The following STRN4 variants were observed in gnomAD, a reference collection of about 807,000 sequenced individuals.
STRN4 encodes the protein striatin 4.
A neutral mutation model predicts 77.9 loss-of-function variants in STRN4; 27 were observed. The observed-to-expected ratio is 0.35, with a 90% CI of 0.26 to 0.48. The LOEUF (loss-of-function observed/expected upper bound fraction) is 0.48. STRN4 is among the 20% of genes least tolerant of loss of function. The pLI is 0.99. For synonymous variants in STRN4, 466 were observed against 443.1 expected, an observed-to-expected ratio of 1.05 and a Z score of -0.65; for missense variants, 798 against 1,049.7, an observed-to-expected ratio of 0.76 and a Z score of 3.31.
rs771874482 is a variant in STRN4, at chr19:46,724,928, C to T, written c.1473G>A (p.Arg491=). 1.9e-6 allele frequency: 3 copies of T among 1,613,940 alleles called. No individual in the cohort carries two copies. The highest frequency in any genetic ancestry group is 2.5e-6 in the Non-Finnish European group (3 of 1,180,024). Residue 491 remains arginine (R), a splice_region_variant and synonymous_variant, in exon 12 of 18, where the codon AGG becomes AGA. Transcript: ENST00000263280. ...VEPIHAFRAH[R]GPVLAVAMGS... is the part of the protein sequence containing the mutation. ...CCATAGCCACAGCCAACACTGGGCC[C>T]CTGGAAGGGACAAATATGTGGAAAG... is the stretch of plus-strand genomic sequence containing the variant.
chr19:46,720,701 G>A lies in STRN4; in HGVS notation c.2163C>T (p.Arg721=). 1 of 1,611,054 alleles carries A rather than the reference G, an allele frequency of 6.2e-7. No individual in the cohort carries two copies. Among genetic ancestry groups the A allele is most frequent in the Middle Eastern group, 1.7e-4 (1 of 6,050 alleles). The change falls in exon 17 of 18, where the codon CGC becomes CGT. Residue 721 remains arginine, a synonymous_variant. Coordinates refer to ENST00000263280, the MANE Select transcript of STRN4 (RefSeq NM_013403.3). ...KTCVQEITAH[R]KKHEEAIHAV... is the part of the protein sequence containing the mutation. ...CGTGGATGGCCTCCTCGTGCTTCTTGCGGTGGGCCGTGATCTCCTGCACGC... is the reference window on the plus strand; with the variant it reads ...CGTGGATGGCCTCCTCGTGCTTCTTACGGTGGGCCGTGATCTCCTGCACGC...
rs1174162580 is a variant in STRN4, at chr19:46,723,082, C to G, written c.1765+32G>C. The stretch of plus-strand genomic sequence containing the variant: ...CTGATAGCCTCCAGATCCCGCACAG[C>G]TCCAGGGTGAGGCACCGGGGCCCCC... On this transcript the variant is annotated intron_variant, in intron 13 of 17. Coordinates refer to ENST00000263280, the MANE Select transcript of STRN4 (RefSeq NM_013403.3). This position sits in a 1 kb window ranked among gnomAD's most constrained non-coding sequence, Gnocchi z 5.5. 1.3e-6 allele frequency: 2 copies of G among 1,562,626 alleles called. No individual in the cohort carries two copies. The highest frequency in any genetic ancestry group is 4.8e-5 in the East Asian group (2 of 41,762).
In STRN4 at chr19:46,728,644, G is replaced by A; in HGVS notation, c.1013C>T (p.Thr338Ile). The stretch of plus-strand genomic sequence containing the variant: ...CAGCTCATGGGGGCTCCCATCCACA[G>A]TGCACCGCCGAGGGTCTGGAGCCCC... ...GEGAPDPRRC[T>I]VDGSPHELES... Residue 338 changes from threonine to isoleucine, a missense_variant, in exon 7 of 18, where the codon ACT becomes ATT. By Grantham distance (89) the Thr-to-Ile change is moderately conservative. Around this residue, in one of 2 missense-constraint regions of STRN4, gnomAD observed 511 missense variants for 575.9 expected, o/e 0.89. Transcript: ENST00000263280. The A allele has an allele frequency of 6.2e-7, 1 of 1,613,990 alleles. No individual in the cohort carries two copies.
At chr19:46,721,888 T>A in intron 16 of STRN4, 98 bp downstream of exon 16, 1 of 1,369,858 alleles carries the variant, frequency 7.3e-7, no homozygotes, top group African/African-American at 1.4e-5. Context: ...CCCCCAGCCC[T>A]GGCCCCCGGG....
chr19:46,720,864 CAG>C (rs2053961000), intron 16 of STRN4, 93 bp from the exon 17 acceptor site: 2 of 1,384,068 alleles, frequency 1.4e-6, no homozygotes, highest in East Asian at 5.3e-5. Context: ...CCAAAGGCCT[CAG>C]GGGAAGTGGG....
At chr19:46,746,035 C>CCCT in intron 1 of STRN4, 114 bp downstream of exon 1, 1 of 1,223,194 alleles carries the variant, frequency 8.2e-7, no homozygotes, top group Non-Finnish European at 1.0e-6. Flanking sequence ...CCTCCCGCCC[C>CCCT]CCCGCCGGCC....
chr19:46,742,800 A>G (rs781079028), intron 1 of STRN4, among the ~76,000 whole-genome samples: 1 of 152,192 alleles, frequency 6.6e-6, no homozygotes, highest in Non-Finnish European at 1.5e-5. Context: ...AGACCTTGTG[A>G]TCCACCTGCC....
rs911932032 is a variant in STRN4, at chr19:46,743,036, G to A, written c.282+3113C>T. On this transcript the variant is annotated intron_variant, in intron 1 of 17. Coordinates refer to ENST00000263280, the MANE Select transcript of STRN4 (RefSeq NM_013403.3). ...CAATCAGCTATGGTGCAAACATCCC[G>A]TGGGACGCTATGCAGCTATCAAAAA... 1.6e-4 allele frequency among the ~76,000 whole-genome samples: 25 copies of A among 152,228 alleles called. 1 individual carries two copies. The highest frequency in any genetic ancestry group is 5.3e-4 in the African/African-American group (22 of 41,450).
chr19:46,746,295 T>G lies in STRN4; in HGVS notation c.136A>C (p.Lys46Gln), dbSNP rs2054610501. 2.9e-6 allele frequency: 4 copies of G among 1,396,868 alleles called. No individual in the cohort carries two copies. Among genetic ancestry groups the G allele is most frequent in the African/African-American group, 1.5e-5 (1 of 65,166 alleles). 86.5% of individuals were successfully genotyped at this position (1,396,868 alleles called of 1,614,324 possible). A position where few individuals can be genotyped will look rare whatever the true frequency, so the allele number is the denominator to read the frequency against. The change falls in exon 1 of 18, where the codon AAG becomes CAG. Residue 46 changes from lysine (K) to glutamine (Q), a missense_variant. By Grantham distance (53) the Lys-to-Gln change is moderately conservative. Around this residue, in one of 2 missense-constraint regions of STRN4, gnomAD observed 511 missense variants for 575.9 expected, o/e 0.89. Transcript: ENST00000263280. ...GGGCTGCCTCCGCCGCCGCCTCCCT[T>G]ACCTGCCGGGCCCGGCCCGGGGGCA... ...APAPGPGPAG[K>Q]GGGGGGSPGP...
chr19:46,730,981 C>G, intron 5 of STRN4, 108 bp from the exon 6 acceptor site: 1 of 1,485,412 alleles, frequency 6.7e-7, no homozygotes, highest in Non-Finnish European at 9.1e-7. Context: ...CCCAGCTAAC[C>G]CCCTAACCCC....
In STRN4 at chr19:46,727,965, C is replaced by T. The variant is rs146924455; in HGVS notation, c.1082G>A (p.Arg361Gln). Residue 361 changes from arginine to glutamine, a missense_variant, in exon 8 of 18, where the codon CGG (arginine) becomes CAG (glutamine). By Grantham distance (43) the Arg-to-Gln change is conservative. Around this residue, in one of 2 missense-constraint regions of STRN4, gnomAD observed 511 missense variants for 575.9 expected, o/e 0.89. Coordinates refer to ENST00000263280, the MANE Select transcript of STRN4 (RefSeq NM_013403.3). ...TTTTGGGGGCAGCCCATCCACATCC[C>T]GCAGGTCAGCCAGAATGCCTTGGAG... ...VKLQGILADL[R>Q]DVDGLPPKVT... 5 of 1,613,834 alleles carry T rather than the reference C, an allele frequency of 3.1e-6. No homozygotes were observed. The African/African-American group carries it at 4.0e-5, about 13-fold the overall frequency.
In STRN4 at chr19:46,733,145, C is replaced by G; in HGVS notation, c.631G>C (p.Gly211Arg). Reference sequence around the variant, plus strand: ...GCCCCTTCACTCGGCTCCACTGCCCCGTTGAGCTCCAGCGAGCGGCCCAGC... The same window carrying G: ...GCCCCTTCACTCGGCTCCACTGCCCGGTTGAGCTCCAGCGAGCGGCCCAGC... ...SLLGRSLELN[G>R]AVEPSEGAPR... The change falls in exon 5 of 18, where the codon GGG (glycine) becomes CGG (arginine). Residue 211 changes from glycine to arginine, a missense_variant. Gly to Arg is a moderately radical substitution (Grantham distance 125). Transcript: ENST00000263280. The surrounding 1 kb of genome is among the most constrained non-coding windows in gnomAD (Gnocchi z 4.3). 1.2e-6 allele frequency: 2 copies of G among 1,612,420 alleles called. No homozygotes were observed. Among genetic ancestry groups the G allele is most frequent in the Non-Finnish European group, 1.7e-6 (2 of 1,180,000 alleles).
At chr19:46,722,496 G>A (rs10402664) in intron 14 of STRN4, among the ~76,000 whole-genome samples, 156 bp from the exon 15 acceptor site, 10,420 of 151,764 alleles carry the variant, frequency 0.069, 1,031 homozygotes, top group African/African-American at 0.22. Context: ...CCGCAGCGCT[G>A]GTTCTGCACA....
chr19:46,727,627 G>T (rs141730799), intron 8 of STRN4, 81 bp from the exon 9 acceptor site: 2 of 1,189,980 alleles, frequency 1.7e-6, no homozygotes, highest in East Asian at 4.8e-5. Flanking sequence ...ATGACAGAGA[G>T]AGGCAGAGAA....
intron 4 of STRN4, among the ~76,000 whole-genome samples, chr19:46,735,948 G>C (rs927849677): frequency 1.3e-5 from 2 of 148,588 alleles, no homozygotes; most frequent in Admixed American, 6.8e-5. Context: ...TGGGCAACAA[G>C]AGCGAAACTC....
At chr19:46,722,521 CCT>C (rs966148082) in intron 14 of STRN4, among the ~76,000 whole-genome samples, 181 bp from the exon 15 acceptor site, 4 of 99,282 alleles carry the variant, frequency 4.0e-5, no homozygotes, top group South Asian at 3.4e-4. Flanking sequence ...GCCCCTGGGC[CCT>C]GTTTTGGGGC....
At chr19:46,730,126 G>A (rs543287947) in intron 6 of STRN4, among the ~76,000 whole-genome samples, 2 of 152,310 alleles carry the variant, frequency 1.3e-5, no homozygotes, top group East Asian at 1.9e-4. Flanking sequence ...TCTGGACCAG[G>A]GGCCAGCATT....
chr19:46,735,140 T>C (rs1188909564), intron 4 of STRN4, among the ~76,000 whole-genome samples: 2 of 152,020 alleles, frequency 1.3e-5, no homozygotes, highest in East Asian at 3.9e-4. Context: ...ACGCTGTCTT[T>C]ACTAAAAATA....
At chr19:46,724,124 T>C (rs1052432245) in intron 12 of STRN4, among the ~76,000 whole-genome samples, 52 of 151,976 alleles carry the variant, frequency 3.4e-4, no homozygotes, top group Non-Finnish European at 1.6e-4. Context: ...GGTGCGTGCC[T>C]GTAATCCCAG....
Sources: allele counts gnomAD v4.1 joint callset (sites outside exome capture counted in the v4.1 genomes callset), GRCh38; gene constraint gnomAD v4.1.1; regional missense constraint gnomAD v4.1.1; non-coding constraint Gnocchi (gnomAD v3.1); transcripts MANE v1.5; gene names NCBI Gene and HGNC (gene_info 2026-07-23, HGNC 2026-07-21).